Variants in ZNF227 observed in about 807,000 individuals in gnomAD.
ZNF227 encodes the protein zinc finger protein 227.
In ZNF227, 12 loss-of-function variants were observed where a neutral mutation model predicts 13.2. The ratio of observed to expected loss-of-function variants is 0.91; its 90% CI spans 0.58 to 1.47. ZNF227 has a LOEUF of 1.47. Among genes scored for constraint, ZNF227 ranks in the 40% most tolerant of loss-of-function variants. The pLI is 0.00. For synonymous variants in ZNF227, 338 were observed against 326.0 expected (o/e 1.04, Z -0.40); for missense variants, 885 against 967.5 (o/e 0.91, Z 1.13).
At chr19:44,224,404 A>G (rs1413657081) in intron 3 of ZNF227, among the ~76,000 whole-genome samples, 2 of 152,140 alleles carry the variant, frequency 1.3e-5, no homozygotes, top group African/African-American at 4.8e-5. Flanking sequence ...GTGGGTGTCT[A>G]AGTCTCTTTG....
At chr19:44,219,997 T>C (rs947765105) in intron 3 of ZNF227, among the ~76,000 whole-genome samples, 2 of 151,964 alleles carry the variant, frequency 1.3e-5, no homozygotes, top group Non-Finnish European at 2.9e-5. Flanking sequence ...GTTCTCATTG[T>C]TCAATTCCCA....
chr19:44,215,011 G>A (rs971902612), intron 2 of ZNF227, among the ~76,000 whole-genome samples: 1 of 151,954 alleles, frequency 6.6e-6, no homozygotes, highest in Non-Finnish European at 1.5e-5. Context: ...CTCCTTATGA[G>A]AATGTAACTA....
upstream of ZNF227, among the ~76,000 whole-genome samples, chr19:44,208,477 A>G (rs1210997482): frequency 6.6e-6 from 1 of 152,250 alleles, no homozygotes; most frequent in African/African-American, 2.4e-5. Context: ...GACAAATCTC[A>G]GAACTTTCAC....
At chr19:44,226,233 A>C (rs1973139477) in intron 3 of ZNF227, among the ~76,000 whole-genome samples, 1 of 152,066 alleles carries the variant, frequency 6.6e-6, no homozygotes, top group African/African-American at 2.4e-5. Context: ...GAGGTCAAGG[A>C]CCCACTTCAG....
intron 5 of ZNF227, among the ~76,000 whole-genome samples, chr19:44,230,455 C>T (rs1384531335): frequency 6.6e-6 from 1 of 152,176 alleles, no homozygotes; most frequent in African/African-American, 2.4e-5. Context: ...TCTCTTTGAT[C>T]TCCCATTCCT....
At chr19:44,218,332 T>C (rs1972102411) in intron 3 of ZNF227, among the ~76,000 whole-genome samples, 2 of 152,230 alleles carry the variant, frequency 1.3e-5, no homozygotes, top group Admixed American at 6.5e-5. Context: ...GTGACTTTTT[T>C]CCCTACATAT....
rs773443429 is a variant in ZNF227, at chr19:44,236,555, G to A, written c.2125G>A (p.Val709Ile). ...RSLNLRHHQR[V>I]HTGEKPHICE... ...CTTGAATCTTCGCCATCATCAGAGG[G>A]TCCACACGGGAGAGAAACCCCATAT... Residue 709 changes from valine (V) to isoleucine (I), a missense_variant, in exon 6 of 6, where the codon GTC (valine) becomes ATC (isoleucine). Val to Ile is a conservative substitution (Grantham distance 29). Transcript: ENST00000313040. 11 of 1,613,908 alleles carry A rather than the reference G, an allele frequency of 6.8e-6. No homozygotes were observed. In the African/African-American group the frequency reaches 9.3e-5, roughly 14 times the overall value.
rs145710151 is a variant in ZNF227 at position 44,235,617 on chromosome 19, G to C, written c.1187G>C (p.Arg396Pro). Residue 396 changes from arginine (R) to proline (P), a missense_variant, in exon 6 of 6, where the codon CGT becomes CCT. Physicochemically the swap from Arg to Pro is moderately radical, Grantham distance 103. Transcript: ENST00000313040. Reference sequence around the variant, plus strand: ...GGCTTCGGTTGGAGTGTTAATCTCCGTGTTCACCAGAGGGTCCACAGGGGT... The same window carrying C: ...GGCTTCGGTTGGAGTGTTAATCTCCCTGTTCACCAGAGGGTCCACAGGGGT... ...GKGFGWSVNL[R>P]VHQRVHRGEK... 1 of 1,613,098 alleles carries C rather than the reference G, an allele frequency of 6.2e-7. No homozygotes were observed. The highest frequency in any genetic ancestry group is 2.2e-5 in the East Asian group (1 of 44,766).
At chr19:44,229,554 G>A (rs1973555428) in intron 4 of ZNF227, among the ~76,000 whole-genome samples, 179 bp from the exon 5 acceptor site, 1 of 152,232 alleles carries the variant, frequency 6.6e-6, no homozygotes, top group South Asian at 2.1e-4. Context: ...AGAGGTTGCA[G>A]TGAGCCGAGA....
At position 44,219,935 on chromosome 19, in the gene ZNF227, C is replaced by A. The variant is rs565678699; in HGVS notation, c.60+2083C>A. Among the ~76,000 whole-genome samples the A allele has an allele frequency of 1.8e-3, 281 of 151,998 alleles. 1 individual carries two copies. The highest frequency in any genetic ancestry group is 6.5e-3 in the African/African-American group (268 of 41,434). On this transcript the variant is annotated intron_variant, in intron 3 of 5. Transcript: ENST00000313040. ...CCTAATGCTATCCCTCCCCACTCCC[C>A]CCACCCCACAACAGTCCCTGGAGTG...
chr19:44,232,084 T>C (rs1973900515), intron 5 of ZNF227, among the ~76,000 whole-genome samples: 1 of 152,246 alleles, frequency 6.6e-6, no homozygotes, highest in Admixed American at 6.5e-5. Flanking sequence ...CAGTTTTGAA[T>C]TGGACATTTC....
At chr19:44,209,426 A>G (rs1971288568), upstream of ZNF227, among the ~76,000 whole-genome samples, 1 of 152,206 alleles carries the variant, frequency 6.6e-6, no homozygotes, top group African/African-American at 2.4e-5. Flanking sequence ...AAAGCAAATA[A>G]CTTCAGGGTT....
At chr19:44,227,254 ATTTAT>A (rs1046181085) in intron 3 of ZNF227, 55 of 152,064 alleles carry the variant, frequency 3.6e-4, no homozygotes, top group African/African-American at 1.3e-3. Flanking sequence ...CTAAAAATTT[ATTTAT>A]TTTAAGACAG....
At chr19:44,207,999 AT>A (rs1378724088), upstream of ZNF227, 2 of 152,264 alleles carry the variant, frequency 1.3e-5, no homozygotes. Context: ...AAATACCGTT[AT>A]GTGGTAGGTA....
intron 3 of ZNF227, among the ~76,000 whole-genome samples, chr19:44,222,443 C>T (rs1972634870): frequency 6.6e-6 from 1 of 151,518 alleles, no homozygotes. Context: ...TTTCATCGAG[C>T]AGTGGTTTGT....
At position 44,228,509 on chromosome 19, in the gene ZNF227, C is replaced by G. The variant is rs923591287; in HGVS notation, c.124C>G (p.Leu42Val). ...CAGGGAGGAACTGCGACTGCTCGATCTTACCCAGAGGAAGCTGTACCGAGA... is the reference window on the plus strand; with the variant it reads ...CAGGGAGGAACTGCGACTGCTCGATGTTACCCAGAGGAAGCTGTACCGAGA... ...FSREELRLLD[L>V]TQRKLYRDVM... The change falls in exon 4 of 6, where the codon CTT becomes GTT. Residue 42 changes from leucine to valine, a missense_variant. Coordinates refer to ENST00000313040, the MANE Select transcript of ZNF227 (RefSeq NM_182490.3). The G allele has an allele frequency of 1.2e-6, 2 of 1,613,916 alleles. No homozygotes were observed. The highest frequency in any genetic ancestry group is 1.7e-5 in the Admixed American group (1 of 59,954).
intron 2 of ZNF227, 190 bp from the exon 3 acceptor site, chr19:44,217,601 G>A (rs1972026612): frequency 1.3e-6 from 1 of 750,032 alleles, no homozygotes. Flanking sequence ...CTGCACTTGT[G>A]CAGACTGTTC....
intron 2 of ZNF227, chr19:44,217,439 A>G: frequency 2.0e-6 from 1 of 507,776 alleles, no homozygotes; most frequent in Non-Finnish European, 3.8e-6. Flanking sequence ...TGAGGCACAG[A>G]GAGGGTTTTT....
At chr19:44,231,494 G>A (rs542030615) in intron 5 of ZNF227, among the ~76,000 whole-genome samples, 20 of 149,196 alleles carry the variant, frequency 1.3e-4, no homozygotes, top group Non-Finnish European at 2.5e-4. Flanking sequence ...CACCACACCC[G>A]GCTAATTTTT....
Sources: allele counts gnomAD v4.1 joint callset (sites outside exome capture counted in the v4.1 genomes callset), GRCh38; gene constraint gnomAD v4.1.1; transcripts MANE v1.5; gene names NCBI Gene and HGNC (gene_info 2026-07-23, HGNC 2026-07-21).